Variants in KCNH7 observed in about 807,000 individuals in gnomAD.
KCNH7 encodes potassium voltage-gated channel subfamily H member 7, also known as voltage-gated inwardly rectifying potassium channel KCNH7.
A neutral mutation model predicts 120.8 loss-of-function variants in KCNH7; 49 were observed. The observed-to-expected ratio is 0.41, with a 90% CI of 0.32 to 0.51. The LOEUF (loss-of-function observed/expected upper bound fraction) is 0.51, where lower values mean the gene tolerates loss of function less well. Ranked by LOEUF, KCNH7 falls within the 20% of genes least tolerant of loss-of-function variation. KCNH7 has a pLI of 0.38. For missense variants in KCNH7, 1,097 were observed against 1,446.6 expected (o/e 0.76, Z 3.92); for synonymous variants, 547 against 516.1 (o/e 1.06, Z -0.81).
At chr2:162,703,444 G>T (rs1198868717) in intron 2 of KCNH7, among the ~76,000 whole-genome samples, 1 of 151,976 alleles carries the variant, frequency 6.6e-6, no homozygotes, top group Non-Finnish European at 1.5e-5. Context: ...ATGACTTCAA[G>T]GATTTAAGAA....
chr2:162,402,245 A>C (rs1687086667), intron 9 of KCNH7, among the ~76,000 whole-genome samples: 1 of 150,240 alleles, frequency 6.7e-6, no homozygotes, highest in African/African-American at 2.4e-5. Flanking sequence ...ATCTTATATC[A>C]ACTCAGCTTT....
At chr2:162,591,106 C>T (rs79968855) in intron 2 of KCNH7, among the ~76,000 whole-genome samples, 1,613 of 152,188 alleles carry the variant, frequency 0.011, 13 homozygotes, top group Non-Finnish European at 0.016. Context: ...CCCTCTCCAC[C>T]TGTAAGGCTC....
At chr2:162,535,863 C>T (rs560732805) in intron 3 of KCNH7, among the ~76,000 whole-genome samples, 81 of 151,802 alleles carry the variant, frequency 5.3e-4, no homozygotes, top group Non-Finnish European at 1.1e-3. Flanking sequence ...TAGATTCAAG[C>T]ACATATGGAA....
At chr2:162,640,106 C>T (rs1297851302) in intron 2 of KCNH7, among the ~76,000 whole-genome samples, 3 of 152,142 alleles carry the variant, frequency 2.0e-5, no homozygotes, top group Non-Finnish European at 4.4e-5. Context: ...TCAATAGTAA[C>T]TATTTCAATT....
At chr2:162,698,199 T>C (rs1437932509) in intron 2 of KCNH7, among the ~76,000 whole-genome samples, 1 of 152,168 alleles carries the variant, frequency 6.6e-6, no homozygotes, top group Non-Finnish European at 1.5e-5. Context: ...TAAGATTTTA[T>C]ACATATGAAT....
At position 162,701,539 on chromosome 2, in the gene KCNH7, G is replaced by A. The variant is rs979290297; in HGVS notation, c.307+134998C>T. On this transcript the variant is annotated intron_variant, in intron 2 of 15. Transcript: ENST00000332142. ...TACAAAAATAATGAAGTTGACAGAA[G>A]GGAACAGATATGACAGAAATGGCTA... Among the ~76,000 whole-genome samples the A allele has an allele frequency of 9.9e-5, 15 of 152,198 alleles. No homozygotes were observed. The East Asian group carries it at 2.9e-3, about 29-fold the overall frequency.
chr2:162,691,393 T>G (rs1463476858), intron 2 of KCNH7, among the ~76,000 whole-genome samples: 1 of 152,162 alleles, frequency 6.6e-6, no homozygotes, highest in Non-Finnish European at 1.5e-5. Flanking sequence ...TTTGAGTGAA[T>G]TTTTACCTAT....
intron 6 of KCNH7, among the ~76,000 whole-genome samples, chr2:162,470,265 C>G (rs1188113425): frequency 6.6e-6 from 1 of 151,226 alleles, no homozygotes; most frequent in South Asian, 2.1e-4. Context: ...AAGTGAGGAG[C>G]GTCTCTGCCC....
chr2:162,710,187 G>A (rs1451310407), intron 2 of KCNH7, among the ~76,000 whole-genome samples: 4 of 152,004 alleles, frequency 2.6e-5, no homozygotes, highest in Non-Finnish European at 4.4e-5. Flanking sequence ...ACTCAAGAGG[G>A]GCTTTGAAAG....
chr2:162,458,354 A>G (rs1689040542), intron 6 of KCNH7, among the ~76,000 whole-genome samples: 1 of 152,328 alleles, frequency 6.6e-6, no homozygotes, highest in East Asian at 1.9e-4. Context: ...TAAAAAATAT[A>G]GTTTCTTCCA....
At chr2:162,738,410 G>A (rs182303092) in intron 2 of KCNH7, among the ~76,000 whole-genome samples, 1 of 152,200 alleles carries the variant, frequency 6.6e-6, no homozygotes, top group African/African-American at 2.4e-5. Context: ...CATTAAGATC[G>A]TCACTGCCCT....
At chr2:162,835,728 A>G (rs1685640538) in intron 2 of KCNH7, among the ~76,000 whole-genome samples, 1 of 152,018 alleles carries the variant, frequency 6.6e-6, no homozygotes. Flanking sequence ...TTACATATAT[A>G]TTGTGTATTT....
chr2:162,831,208 A>G (rs1435168245), intron 2 of KCNH7, among the ~76,000 whole-genome samples: 1 of 152,152 alleles, frequency 6.6e-6, no homozygotes, highest in Admixed American at 6.5e-5. Context: ...TATATATTTT[A>G]TGAGATGGTT....
chr2:162,834,030 C>T (rs757306981), intron 2 of KCNH7, among the ~76,000 whole-genome samples: 16 of 152,068 alleles, frequency 1.1e-4, no homozygotes, highest in African/African-American at 2.9e-4. Context: ...TCAATAATAA[C>T]GAATTACGGA....
At chr2:162,759,027 A>T (rs1387747785) in intron 2 of KCNH7, among the ~76,000 whole-genome samples, 1 of 152,136 alleles carries the variant, frequency 6.6e-6, no homozygotes, top group Non-Finnish European at 1.5e-5. Flanking sequence ...GACCTGAGAA[A>T]TTTTTGACTC....
intron 2 of KCNH7, among the ~76,000 whole-genome samples, chr2:162,723,684 ACATAT>A (rs1687411591): frequency 6.6e-6 from 1 of 152,152 alleles, no homozygotes; most frequent in Non-Finnish European, 1.5e-5. Flanking sequence ...CTTTTTTTGT[ACATAT>A]ATGAGGGAAA....
At position 162,665,535 on chromosome 2, in the gene KCNH7, A is replaced by C. The variant is rs12619429; in HGVS notation, c.308-128455T>G. ...CAGAAAAAACTAAATTTGTCATTTC[A>C]TAAATGGAGTTCTTTTTCTAATACC... On this transcript the variant is annotated intron_variant, in intron 2 of 15. Coordinates refer to ENST00000332142, the MANE Select transcript of KCNH7 (RefSeq NM_033272.4). Among the ~76,000 whole-genome samples the C allele has an allele frequency of 7.8e-4, 119 of 152,158 alleles. 1 individual carries two copies. Among genetic ancestry groups the C allele is most frequent in the Middle Eastern group, 3.4e-3 (1 of 294 alleles).
rs534932009 is a variant in KCNH7, at chr2:162,608,692, G to A, written c.308-71612C>T. 2.6e-5 allele frequency among the ~76,000 whole-genome samples: 4 copies of A among 152,180 alleles called. No homozygotes were observed. The South Asian group carries it at 8.3e-4, about 32-fold the overall frequency. ...TTTAATCACATTGTTAACTGTACTA[G>A]GAATAGCTTGTCATCCTATCCTCTC... On this transcript the variant is annotated intron_variant, in intron 2 of 15. Coordinates refer to ENST00000332142, the MANE Select transcript of KCNH7 (RefSeq NM_033272.4).
At chr2:162,573,358 A>AT (rs768601312) in intron 2 of KCNH7, among the ~76,000 whole-genome samples, 12 of 152,040 alleles carry the variant, frequency 7.9e-5, no homozygotes, top group Non-Finnish European at 1.3e-4. Flanking sequence ...AAGAGAAACT[A>AT]TTAAACATTT....
Sources: gnomAD v4.1 joint callset for allele counts (sites outside exome capture counted in the v4.1 genomes callset) on GRCh38, gnomAD v4.1.1 for gene constraint, MANE v1.5 for transcripts, NCBI Gene and HGNC (gene_info 2026-07-23, HGNC 2026-07-21) for gene names.